Variants in DNM3 observed in about 807,000 individuals in gnomAD.
DNM3 encodes the protein dynamin 3.
A neutral mutation model predicts 101.6 loss-of-function variants in DNM3; 47 were observed. The ratio of observed to expected loss-of-function variants is 0.46; its 90% CI spans 0.37 to 0.59. The LOEUF (loss-of-function observed/expected upper bound fraction) is 0.59, where lower values mean the gene tolerates loss of function less well. Among genes scored for constraint, DNM3 ranks in the 20% least tolerant of loss-of-function variants. The probability of loss-of-function intolerance (pLI) is 0.00; values close to 1 mark genes in which losing one functional copy is unlikely to be tolerated. For synonymous variants in DNM3, 385 were observed against 387.9 expected (o/e 0.99, Z 0.09); for missense variants, 849 against 1,085.7 (o/e 0.78, Z 3.06).
chr1:172,168,408 C>A (rs2058831140), intron 14 of DNM3, among the ~76,000 whole-genome samples: 1 of 151,936 alleles, frequency 6.6e-6, no homozygotes, highest in Non-Finnish European at 1.5e-5. Flanking sequence ...GTGGTCATAG[C>A]AGGGTGAATG....
chr1:172,021,549 A>T (rs2047855961), intron 4 of DNM3, among the ~76,000 whole-genome samples: 1 of 152,224 alleles, frequency 6.6e-6, no homozygotes, highest in Admixed American at 6.5e-5. Flanking sequence ...ATCCCAGGAC[A>T]AAAAACATAA....
At chr1:172,399,655 TTTG>T (rs1455071824) in intron 20 of DNM3, among the ~76,000 whole-genome samples, 1 of 152,140 alleles carries the variant, frequency 6.6e-6, no homozygotes, top group African/African-American at 2.4e-5. Context: ...TTTAAAAAAT[TTTG>T]TTTTTAAAAT....
At chr1:172,296,173 T>TG (rs1470857265) in intron 15 of DNM3, among the ~76,000 whole-genome samples, 1 of 152,210 alleles carries the variant, frequency 6.6e-6, no homozygotes, top group African/African-American at 2.4e-5. Flanking sequence ...TGTGAGACCT[T>TG]GGGGTACAGT....
chr1:172,180,375 T>G (rs10489297), intron 14 of DNM3, among the ~76,000 whole-genome samples: 40,354 of 151,938 alleles, frequency 0.27, 5,804 homozygotes, highest in Middle Eastern at 0.35. Flanking sequence ...CTCATTTTAC[T>G]CACAAGGAAA....
At chr1:172,383,651 G>A (rs1183242583) in intron 18 of DNM3, among the ~76,000 whole-genome samples, 1 of 152,176 alleles carries the variant, frequency 6.6e-6, no homozygotes, top group Admixed American at 6.5e-5. Flanking sequence ...TCTTCTATTT[G>A]TGAAGGGTTT....
intron 9 of DNM3, among the ~76,000 whole-genome samples, chr1:172,045,361 C>T (rs1291195694): frequency 2.0e-5 from 3 of 152,092 alleles, no homozygotes; most frequent in Non-Finnish European, 2.9e-5. Flanking sequence ...TGAGCATGGT[C>T]GGGTTCTGGT....
chr1:171,853,714 A>G (rs902894674), intron 1 of DNM3, among the ~76,000 whole-genome samples: 7 of 152,010 alleles, frequency 4.6e-5, no homozygotes, highest in Non-Finnish European at 7.4e-5. Flanking sequence ...CTCCTTTCGC[A>G]TGTGGGATAA....
intron 15 of DNM3, among the ~76,000 whole-genome samples, chr1:172,290,318 TTAGGGGAGGCTTCTC>T (rs888232014): frequency 1.3e-5 from 2 of 151,908 alleles, no homozygotes; most frequent in African/African-American, 4.8e-5. Flanking sequence ...GCTAGAGGGG[TTAGGGGAGGCTTCTC>T]TAGGGGATAT....
At position 172,086,314 on chromosome 1, in the gene DNM3, C is replaced by T. The variant is rs186619896; in HGVS notation, c.1493+4412C>T. 2.9e-4 allele frequency among the ~76,000 whole-genome samples: 44 copies of T among 152,232 alleles called. 1 individual carries two copies. The highest frequency in any genetic ancestry group is 2.6e-3 in the Admixed American group (39 of 15,282). ...TCCCTTTGGCTTCAGTCTGATTGGA[C>T]GGAGCCTGGACTATCACAGTGTAAC... On this transcript the variant is annotated intron_variant, in intron 12 of 20. Transcript: ENST00000627582.
Position 172,388,827 on chromosome 1 carries a change from A to G in DNM3, c.2522+18A>G. ...GTCCCAAGGTAAGGCATGGAGCAGAAATTGGGGGGGTAGTGCGCCTTGGTT... is the reference window on the plus strand; with the variant it reads ...GTCCCAAGGTAAGGCATGGAGCAGAGATTGGGGGGGTAGTGCGCCTTGGTT... On this transcript the variant is annotated intron_variant, in intron 20 of 20. Transcript: ENST00000627582. 6.5e-7 allele frequency: 1 copy of G among 1,543,972 alleles called. No individual in the cohort carries two copies. Among genetic ancestry groups the G allele is most frequent in the Admixed American group, 1.9e-5 (1 of 51,634 alleles).
intron 1 of DNM3, among the ~76,000 whole-genome samples, chr1:171,855,912 CT>C (rs1558169990): frequency 6.6e-6 from 1 of 152,052 alleles, no homozygotes; most frequent in Non-Finnish European, 1.5e-5. Flanking sequence ...GTTGTTATTG[CT>C]TTTGGTGTCT....
intron 18 of DNM3, 50 bp from the exon 19 acceptor site, chr1:172,387,083 C>G (rs1421629203): frequency 6.7e-7 from 1 of 1,482,406 alleles, no homozygotes; most frequent in Admixed American, 1.7e-5. Flanking sequence ...TCTACCTCCA[C>G]TCAGTCACTC....
chr1:172,168,788 T>G (rs2148332057), intron 14 of DNM3, among the ~76,000 whole-genome samples: 1 of 151,848 alleles, frequency 6.6e-6, no homozygotes, highest in South Asian at 2.1e-4. Flanking sequence ...GCCTATAGAG[T>G]CCTGCTCTGA....
chr1:172,177,540 T>C (rs989845944), intron 14 of DNM3, among the ~76,000 whole-genome samples: 28 of 151,828 alleles, frequency 1.8e-4, no homozygotes, highest in East Asian at 1.4e-3. Context: ...AGTTGGATAA[T>C]TGAAAATGTT....
intron 1 of DNM3, among the ~76,000 whole-genome samples, chr1:171,852,548 A>G (rs1041690208): frequency 6.6e-6 from 1 of 152,226 alleles, no homozygotes; most frequent in East Asian, 1.9e-4. Context: ...CCAGGCTAAC[A>G]ATTCTTATGA....
At chr1:172,160,523 A>G (rs2058510051) in intron 14 of DNM3, among the ~76,000 whole-genome samples, 1 of 152,040 alleles carries the variant, frequency 6.6e-6, no homozygotes, top group East Asian at 1.9e-4. Context: ...AATCCTCCAT[A>G]TCATTGTTTT....
chr1:171,894,872 A>G (rs1249443716), intron 1 of DNM3, among the ~76,000 whole-genome samples: 1 of 152,108 alleles, frequency 6.6e-6, no homozygotes. Flanking sequence ...TTTTCTGAGA[A>G]TGATGGTTTC....
chr1:172,134,589 C>T (rs74316353), intron 14 of DNM3, among the ~76,000 whole-genome samples: 3 of 152,098 alleles, frequency 2.0e-5, no homozygotes, highest in African/African-American at 7.2e-5. Context: ...TGTTATGTAC[C>T]AGGCACTGTC....
chr1:172,135,653 T>C (rs2057181393), intron 14 of DNM3, among the ~76,000 whole-genome samples: 1 of 152,096 alleles, frequency 6.6e-6, no homozygotes, highest in Admixed American at 6.6e-5. Context: ...AGGGATTTAG[T>C]AAAAAGCAAG....
Sources: gnomAD v4.1 joint callset for allele counts (sites outside exome capture counted in the v4.1 genomes callset) on GRCh38, gnomAD v4.1.1 for gene constraint, MANE v1.5 for transcripts, NCBI Gene and HGNC (gene_info 2026-07-23, HGNC 2026-07-21) for gene names.